Variants in CDKL3 observed in about 807,000 individuals in gnomAD.
The protein encoded by CDKL3 is cyclin-dependent kinase-like 3.
CDKL3 carries 65 observed loss-of-function variants against 69.3 expected under a neutral mutation model. The observed-to-expected ratio is 0.94, with a 90% confidence interval of 0.77 to 1.15. CDKL3 has a LOEUF of 1.15. CDKL3 is among the 50% of genes most tolerant of loss of function. CDKL3 has a pLI of 0.00. For synonymous variants in CDKL3, 202 were observed against 221.6 expected, an observed-to-expected ratio of 0.91 and a Z score of 0.79; for missense variants, 652 against 689.2, an observed-to-expected ratio of 0.95 and a Z score of 0.61.
chr5:134,328,270 A>G (rs977035924), intron 4 of CDKL3, among the ~76,000 whole-genome samples: 3 of 152,238 alleles, frequency 2.0e-5, no homozygotes, highest in African/African-American at 7.2e-5. Context: ...ATTAAAGAAG[A>G]AAGGTATGAC....
intron 6 of CDKL3, among the ~76,000 whole-genome samples, chr5:134,314,154 A>C (rs1277136210): frequency 2.6e-5 from 4 of 152,126 alleles, no homozygotes. Context: ...TCAAAAACAA[A>C]ACAAAACGAA....
At chr5:134,363,444 C>A (rs1756545542) in intron 2 of CDKL3, among the ~76,000 whole-genome samples, 1 of 150,660 alleles carries the variant, frequency 6.6e-6, no homozygotes, top group African/African-American at 2.4e-5. Context: ...CAGGCCCCTG[C>A]CACCATGGCC....
chr5:134,329,913 G>A (rs772564624), intron 4 of CDKL3, among the ~76,000 whole-genome samples: 16 of 151,798 alleles, frequency 1.1e-4, no homozygotes, highest in Non-Finnish European at 1.8e-4. Context: ...GGGAGGCTGA[G>A]GCAGGAGAAT....
upstream of CDKL3, among the ~76,000 whole-genome samples, chr5:134,368,189 T>C (rs982461624): frequency 2.0e-5 from 3 of 152,236 alleles, no homozygotes; most frequent in Admixed American, 1.3e-4. Flanking sequence ...CCTGATTTAA[T>C]TGGGATAGCG....
At chr5:134,333,623 T>C (rs1776331418) in intron 4 of CDKL3, among the ~76,000 whole-genome samples, 1 of 152,220 alleles carries the variant, frequency 6.6e-6, no homozygotes, top group South Asian at 2.1e-4. Flanking sequence ...GTTTACTGAT[T>C]TGTGTATGTT....
chr5:134,331,297 TTTTAA>T (rs1320247881), intron 4 of CDKL3, among the ~76,000 whole-genome samples: 6 of 152,204 alleles, frequency 3.9e-5, no homozygotes, highest in East Asian at 1.9e-4. Flanking sequence ...TCCTTTCTTT[TTTTAA>T]TTTAATTTAT....
chr5:134,329,168 T>C (rs1039964722), intron 4 of CDKL3, among the ~76,000 whole-genome samples: 1 of 152,016 alleles, frequency 6.6e-6, no homozygotes, highest in Non-Finnish European at 1.5e-5. Context: ...TAGTGAGACT[T>C]TGTCTCTACA....
chr5:134,365,132 G>T (rs1452008558), intron 2 of CDKL3, among the ~76,000 whole-genome samples: 15 of 151,912 alleles, frequency 9.9e-5, no homozygotes, highest in Admixed American at 9.2e-4. Flanking sequence ...ACAAGCACCC[G>T]CCACCTCGCC....
At chr5:134,310,522 C>T (rs1324620323) in intron 7 of CDKL3, among the ~76,000 whole-genome samples, 1 of 151,930 alleles carries the variant, frequency 6.6e-6, no homozygotes, top group African/African-American at 2.4e-5. Context: ...GAGTCTGGCT[C>T]TGTCACCCAG....
intron 4 of CDKL3, among the ~76,000 whole-genome samples, chr5:134,348,529 T>C (rs1752490903): frequency 1.3e-5 from 2 of 151,858 alleles, no homozygotes; most frequent in African/African-American, 2.4e-5. Flanking sequence ...TTATGCAGAA[T>C]ACAAGAGATT....
At chr5:134,352,203 C>G (rs1581183900) in intron 3 of CDKL3, among the ~76,000 whole-genome samples, 1 of 152,126 alleles carries the variant, frequency 6.6e-6, no homozygotes, top group Non-Finnish European at 1.5e-5. Context: ...CACATCATCA[C>G]AAATGATTTC....
At chr5:134,285,318 C>G (rs1181621705), downstream of CDKL3, among the ~76,000 whole-genome samples, 1 of 152,242 alleles carries the variant, frequency 6.6e-6, no homozygotes, top group Non-Finnish European at 1.5e-5. Context: ...CCTGGACATC[C>G]AGGCATTTCC....
chr5:134,311,954 C>T (rs556825250), intron 7 of CDKL3, among the ~76,000 whole-genome samples: 14 of 152,214 alleles, frequency 9.2e-5, no homozygotes, highest in Middle Eastern at 3.4e-3. Context: ...GCCACCACAC[C>T]TTGCTAATTT....
intron 11 of CDKL3, among the ~76,000 whole-genome samples, chr5:134,303,722 C>A (rs1580808495): frequency 6.7e-6 from 1 of 149,858 alleles, no homozygotes; most frequent in African/African-American, 2.4e-5. Context: ...TGTTGGTGGG[C>A]ACCTGTAGTC....
At chr5:134,297,691 C>A (rs905158822), downstream of CDKL3, among the ~76,000 whole-genome samples, 2 of 151,314 alleles carry the variant, frequency 1.3e-5, no homozygotes, top group African/African-American at 4.9e-5. Context: ...AAGCGATTCT[C>A]GTGCTTCAGC....
chr5:134,346,107 A>G (rs1751802058), intron 4 of CDKL3, among the ~76,000 whole-genome samples: 1 of 152,190 alleles, frequency 6.6e-6, no homozygotes, highest in Non-Finnish European at 1.5e-5. Context: ...TCCCCAAAGC[A>G]AGCCATAAAA....
chr5:134,338,233 T>C (rs891064256), intron 4 of CDKL3, among the ~76,000 whole-genome samples: 2 of 152,110 alleles, frequency 1.3e-5, no homozygotes, highest in Non-Finnish European at 2.9e-5. Flanking sequence ...ACAACAAATA[T>C]ACCACACAAA....
At chr5:134,332,303 T>C (rs1355191605) in intron 4 of CDKL3, among the ~76,000 whole-genome samples, 1 of 152,196 alleles carries the variant, frequency 6.6e-6, no homozygotes, top group Admixed American at 6.5e-5. Flanking sequence ...TTTAATTAGA[T>C]CTCATTTGTC....
chr5:134,302,759 A>G (rs1468090815), intron 11 of CDKL3, 72 bp from the exon 12 acceptor site: 2 of 753,792 alleles, frequency 2.7e-6, no homozygotes, highest in East Asian at 5.5e-5. Flanking sequence ...CTTTCCAAGA[A>G]TTTCAAATAG....
Sources: allele counts gnomAD v4.1 joint callset (sites outside exome capture counted in the v4.1 genomes callset), GRCh38; gene constraint gnomAD v4.1.1; transcripts MANE v1.5; gene names NCBI Gene and HGNC (gene_info 2026-07-23, HGNC 2026-07-21).